CFAP54: variants seen among roughly 807,000 people sequenced by gnomAD.
The protein encoded by CFAP54 is cilia- and flagella-associated protein 54.
CFAP54 carries 290 observed loss-of-function variants against 370.4 expected under a neutral mutation model. The ratio of observed to expected loss-of-function variants is 0.78; its 90% CI spans 0.71 to 0.86. The LOEUF is 0.86. CFAP54 is among the 40% of genes least tolerant of loss of function. The pLI is 0.00. For synonymous variants in CFAP54, 1,206 were observed against 1,236.5 expected (o/e 0.98, Z 0.52); for missense variants, 3,399 against 3,528.7 (o/e 0.96, Z 0.93).
At chr12:96,583,265 C>CT (rs1266407919) in intron 22 of CFAP54, among the ~76,000 whole-genome samples, 2 of 151,998 alleles carry the variant, frequency 1.3e-5, no homozygotes, top group Non-Finnish European at 2.9e-5. Context: ...TCTTTTTAGA[C>CT]TATTTCTTTT....
intron 66 of CFAP54, among the ~76,000 whole-genome samples, chr12:96,856,458 A>G (rs115663213): frequency 0.012 from 1,777 of 152,264 alleles, 42 homozygotes; most frequent in African/African-American, 0.04. Flanking sequence ...TTCTTTTGCC[A>G]GATACCCTTA....
intron 26 of CFAP54, among the ~76,000 whole-genome samples, chr12:96,602,727 T>A (rs1956256811): frequency 6.6e-6 from 1 of 152,216 alleles, no homozygotes; most frequent in Non-Finnish European, 1.5e-5. Flanking sequence ...TCTTTGTCTC[T>A]TTTGATCTTT....
chr12:96,589,992 C>T (rs534829870), intron 23 of CFAP54, among the ~76,000 whole-genome samples: 42 of 152,274 alleles, frequency 2.8e-4, no homozygotes, highest in African/African-American at 9.4e-4. Flanking sequence ...AGTGATCTGC[C>T]CACCTCAGCC....
At chr12:96,794,589 T>A (rs12822499) in intron 63 of CFAP54, among the ~76,000 whole-genome samples, 1 of 152,168 alleles carries the variant, frequency 6.6e-6, no homozygotes. Flanking sequence ...CCAGGCTTTG[T>A]CATTGTTTTT....
At chr12:96,827,047 TTA>T (rs969668441) in intron 65 of CFAP54, among the ~76,000 whole-genome samples, 7 of 139,232 alleles carry the variant, frequency 5.0e-5, no homozygotes, top group South Asian at 2.2e-4. Flanking sequence ...TAATATGCAA[TTA>T]TATGTGATTA....
chr12:96,524,067 T>C (rs1454249225), intron 8 of CFAP54, among the ~76,000 whole-genome samples: 2 of 152,284 alleles, frequency 1.3e-5, no homozygotes, highest in Middle Eastern at 3.4e-3. Context: ...AATTTTATTA[T>C]GTTTCTACTA....
chr12:96,741,644 T>A (rs1541592), intron 51 of CFAP54, among the ~76,000 whole-genome samples: 1 of 151,992 alleles, frequency 6.6e-6, no homozygotes, highest in Non-Finnish European at 1.5e-5. Flanking sequence ...AATGACAGTT[T>A]TTCTAAATGA....
intron 5 of CFAP54, among the ~76,000 whole-genome samples, chr12:96,515,361 T>C (rs1325663810): frequency 6.7e-6 from 1 of 148,904 alleles, no homozygotes; most frequent in Non-Finnish European, 1.5e-5. Context: ...GGATGGGAGG[T>C]GAGGGATGCA....
At chr12:96,853,077 AG>A (rs1223478798) in intron 66 of CFAP54, among the ~76,000 whole-genome samples, 1 of 152,172 alleles carries the variant, frequency 6.6e-6, no homozygotes, top group Non-Finnish European at 1.5e-5. Flanking sequence ...CAGCTTAAAG[AG>A]GAATATACAT....
intron 19 of CFAP54, chr12:96,573,160 G>A: frequency 5.6e-6 from 3 of 533,974 alleles, no homozygotes; most frequent in Non-Finnish European, 4.8e-6. Context: ...ATTTCCAAGG[G>A]AAGTGGGGGC....
intron 3 of CFAP54, among the ~76,000 whole-genome samples, chr12:96,505,978 T>A (rs1285842633): frequency 6.6e-6 from 1 of 152,122 alleles, no homozygotes; most frequent in Non-Finnish European, 1.5e-5. Context: ...GAGTGAATTG[T>A]GTAAATGGTT....
chr12:96,872,559 A>G (rs1206852666), intron 67 of CFAP54, among the ~76,000 whole-genome samples: 1 of 152,248 alleles, frequency 6.6e-6, no homozygotes, highest in African/African-American at 2.4e-5. Flanking sequence ...GTGAAATAAA[A>G]CATTTTATAA....
chr12:96,721,021 A>C (rs1592724788), intron 50 of CFAP54, among the ~76,000 whole-genome samples: 1 of 149,348 alleles, frequency 6.7e-6, no homozygotes. Flanking sequence ...CTCTGTCTCA[A>C]AAAAAAAAAA....
chr12:96,593,003 A>G (rs914019775), intron 24 of CFAP54, among the ~76,000 whole-genome samples: 15 of 151,158 alleles, frequency 9.9e-5, no homozygotes, highest in Non-Finnish European at 1.9e-4. Context: ...CAAATCTGTT[A>G]TTATTATTTA....
chr12:96,733,381 A>G (rs1314159197), intron 50 of CFAP54, among the ~76,000 whole-genome samples: 1 of 152,186 alleles, frequency 6.6e-6, no homozygotes, highest in Non-Finnish European at 1.5e-5. Context: ...GGAAATTGAA[A>G]GGCACATTCC....
chr12:96,717,132 A>T lies in CFAP54; in HGVS notation c.6725-1311A>T, dbSNP rs566547696. ...GTGGGACCCATGTTAATTTTATCAC[A>T]CATGGGTTCATGAAAATGTCTAGGT... On this transcript the variant is annotated intron_variant, in intron 48 of 67. Coordinates refer to ENST00000524981, the MANE Select transcript of CFAP54 (RefSeq NM_001306084.2). 1.6e-4 allele frequency among the ~76,000 whole-genome samples: 25 copies of T among 152,346 alleles called. 1 individual carries two copies. The highest frequency in any genetic ancestry group is 5.5e-4 in the African/African-American group (23 of 41,584).
rs1956490623 is a variant in CFAP54 at position 96,621,673 on chromosome 12, C to A, written c.3723C>A (p.Cys1241Ter). The A allele has an allele frequency of 6.5e-7, 1 of 1,528,592 alleles. No homozygotes were observed. The highest frequency in any genetic ancestry group is 8.8e-7 in the Non-Finnish European group (1 of 1,142,522). The allele number at this position is 1,528,592 out of a possible 1,614,324, so 94.7% of individuals were successfully genotyped here. A position where few individuals can be genotyped will look rare whatever the true frequency, so the allele number is the denominator to read the frequency against. ...AAATGTTGGACATCACACCAGGATG[C>A]AAGTCTCTGTTTGATGGTAGTAATG... is the stretch of plus-strand genomic sequence containing the variant. ...GKKMLDITPG[C>*]KSLFDGSNEQ... The change falls in exon 27 of 68, where the codon TGC becomes TGA. Residue 1241 changes from cysteine (C) to a stop codon, truncating the protein, a stop_gained. Coordinates refer to ENST00000524981, the MANE Select transcript of CFAP54 (RefSeq NM_001306084.2). LOFTEE classifies it high-confidence loss of function.
rs1251951712 is a variant in CFAP54, at chr12:96,644,162, CTTTCTCCCTTGGCAGAAA to C, written c.4317-14_4320del. The C allele has an allele frequency of 6.7e-7, 1 of 1,486,568 alleles. No individual in the cohort carries two copies. Among genetic ancestry groups the C allele is most frequent in the Admixed American group, 2.2e-5 (1 of 46,062 alleles). The allele number at this position is 1,486,568 out of a possible 1,614,324, so 92.1% of individuals were successfully genotyped here. ...AAGTTCTTGTGTAATTTCAAAACTT[CTTTCTCCCTTGGCAGAAA>C]TAGGAGAACCAGTGTTAGGAAAGCA... On this transcript the variant is annotated splice_acceptor_variant and splice_polypyrimidine_tract_variant and coding_sequence_variant and intron_variant, in exon 33 of 68. Transcript: ENST00000524981. LOFTEE classifies it high-confidence loss of function.
intron 5 of CFAP54, among the ~76,000 whole-genome samples, chr12:96,518,021 T>C (rs1183906095): frequency 6.6e-6 from 1 of 152,238 alleles, no homozygotes; most frequent in Non-Finnish European, 1.5e-5. Context: ...TTATTTTAGA[T>C]TATGGAAGTA....
Sources: gnomAD v4.1 joint callset for allele counts (sites outside exome capture counted in the v4.1 genomes callset) on GRCh38, gnomAD v4.1.1 for gene constraint, MANE v1.5 for transcripts, NCBI Gene and HGNC (gene_info 2026-07-23, HGNC 2026-07-21) for gene names.